BMPR1A: variants seen among roughly 807,000 people sequenced by gnomAD.
BMPR1A encodes the protein bone morphogenetic protein receptor type 1A, also known as bone morphogenetic protein receptor type-1A.
Under a neutral mutation model 66.0 loss-of-function variants are expected in BMPR1A, and 7 were observed. The ratio of observed to expected loss-of-function variants is 0.11; its 90% CI spans 0.06 to 0.20. The LOEUF is 0.20. Among genes scored for constraint, BMPR1A ranks in the 10% least tolerant of loss-of-function variants. The pLI, the probability that BMPR1A is intolerant of heterozygous loss-of-function variation, is 1.00. For missense variants in BMPR1A, 408 were observed against 669.1 expected (o/e 0.61, Z 4.31); for synonymous variants, 200 against 229.7 (o/e 0.87, Z 1.17).
chr10:86,922,177 A>G (rs890524994), intron 11 of BMPR1A, among the ~76,000 whole-genome samples: 3 of 151,990 alleles, frequency 2.0e-5, no homozygotes, highest in African/African-American at 7.3e-5. Flanking sequence ...TGCCTGGCTT[A>G]TTTTACTTAA....
In BMPR1A at chr10:86,921,652, C is replaced by T. The variant is rs150946485; in HGVS notation, c.1299C>T (p.Phe433=). ...ACATCATGGCTGACATCTACAGCTT[C>T]GGCCTAATCATTTGGGAGATGGCTC... is the stretch of plus-strand genomic sequence containing the variant. ...QPYIMADIYS[F]GLIIWEMARR... The change falls in exon 11 of 13, where the codon TTC becomes TTT. Residue 433 remains phenylalanine (F), a synonymous_variant. Coordinates refer to ENST00000372037, the MANE Select transcript of BMPR1A (RefSeq NM_004329.3). The T allele has an allele frequency of 3.4e-4, 545 of 1,614,170 alleles. 2 individuals carry two copies. The African/African-American group carries it at 5.3e-3, about 16-fold the overall frequency.
At chr10:86,763,645 C>T (rs1031329255) in intron 1 of BMPR1A, among the ~76,000 whole-genome samples, 1 of 152,128 alleles carries the variant, frequency 6.6e-6, no homozygotes, top group Non-Finnish European at 1.5e-5. Context: ...CTTATGCCTG[C>T]GGTGCCCTTC....
chr10:86,883,871 C>CTTTT (rs111255462), intron 3 of BMPR1A, among the ~76,000 whole-genome samples: 1 of 135,250 alleles, frequency 7.4e-6, no homozygotes, highest in African/African-American at 2.7e-5. Context: ...GAGCGTATGA[C>CTTTT]TTTTTTTTTT....
chr10:86,849,167 A>T (rs1174341293), intron 2 of BMPR1A, among the ~76,000 whole-genome samples: 1 of 152,214 alleles, frequency 6.6e-6, no homozygotes, highest in Non-Finnish European at 1.5e-5. Context: ...TCCTGCCTAC[A>T]CTTAATCATT....
chr10:86,765,312 C>A (rs1200118254), intron 1 of BMPR1A, among the ~76,000 whole-genome samples: 1 of 151,702 alleles, frequency 6.6e-6, no homozygotes. Flanking sequence ...ATGGTGAAAC[C>A]CCATCTCCAC....
chr10:86,922,100 A>G (rs985476408), intron 11 of BMPR1A, among the ~76,000 whole-genome samples: 2 of 151,946 alleles, frequency 1.3e-5, no homozygotes, highest in African/African-American at 4.8e-5. Flanking sequence ...TCTGTTCTCC[A>G]TGAGTTCAGT....
chr10:86,869,414 A>G (rs1409868218), intron 2 of BMPR1A, among the ~76,000 whole-genome samples: 1 of 146,314 alleles, frequency 6.8e-6, no homozygotes, highest in African/African-American at 2.5e-5. Context: ...CAGAGGTTGC[A>G]CCACTGCAGT....
chr10:86,789,215 C>A (rs546280928), intron 1 of BMPR1A, among the ~76,000 whole-genome samples: 1 of 152,128 alleles, frequency 6.6e-6, no homozygotes, highest in Non-Finnish European at 1.5e-5. Context: ...AGGTATAAAT[C>A]TTGGTGACCT....
At chr10:86,782,677 C>G (rs1278847569) in intron 1 of BMPR1A, among the ~76,000 whole-genome samples, 2 of 151,722 alleles carry the variant, frequency 1.3e-5, no homozygotes, top group South Asian at 4.2e-4. Flanking sequence ...GTCCTTAGCT[C>G]ATTTTAAAGT....
intron 2 of BMPR1A, among the ~76,000 whole-genome samples, chr10:86,863,048 C>G (rs1842733524): frequency 6.6e-6 from 1 of 151,466 alleles, no homozygotes; most frequent in South Asian, 2.1e-4. Context: ...GGCACAGTCT[C>G]AGCTCACTGC....
intron 1 of BMPR1A, among the ~76,000 whole-genome samples, chr10:86,823,331 C>G (rs1842146440): frequency 6.6e-6 from 1 of 152,192 alleles, no homozygotes; most frequent in South Asian, 2.1e-4. Flanking sequence ...CTGCCTGGCA[C>G]TGTTCTAAGT....
intron 1 of BMPR1A, among the ~76,000 whole-genome samples, chr10:86,782,054 G>A (rs1339246537): frequency 0.034 from 4 of 116 alleles, 1 homozygote; most frequent in African/African-American, 0.14. Context: ...GTAGAGACGG[G>A]GTTTCACTAC....
chr10:86,849,186 C>G (rs939635048), intron 2 of BMPR1A, among the ~76,000 whole-genome samples: 2 of 152,152 alleles, frequency 1.3e-5, no homozygotes, highest in Non-Finnish European at 2.9e-5. Context: ...TTCTTTATTC[C>G]TTTGTTCTTT....
At chr10:86,795,826 T>C (rs972369880) in intron 1 of BMPR1A, among the ~76,000 whole-genome samples, 2 of 152,216 alleles carry the variant, frequency 1.3e-5, no homozygotes, top group Admixed American at 6.5e-5. Context: ...TATTTAAAAA[T>C]ATTTTCTTTG....
At chr10:86,815,137 C>T (rs1842018770) in intron 1 of BMPR1A, among the ~76,000 whole-genome samples, 1 of 152,096 alleles carries the variant, frequency 6.6e-6, no homozygotes, top group African/African-American at 2.4e-5. Context: ...AAAACTTTGC[C>T]ATGGGTCAGT....
downstream of BMPR1A, chr10:86,929,992 G>A (rs1288755956): frequency 6.6e-6 from 1 of 152,242 alleles, no homozygotes; most frequent in Non-Finnish European, 1.5e-5. Flanking sequence ...CTTATATCAA[G>A]TTAGGTGCAC....
intron 2 of BMPR1A, among the ~76,000 whole-genome samples, chr10:86,870,179 T>G (rs1239231668): frequency 1.3e-5 from 2 of 152,202 alleles, no homozygotes; most frequent in African/African-American, 4.8e-5. Context: ...ATTACCGTTC[T>G]TTTAGCATAA....
chr10:86,844,875 C>G (rs1320955154), intron 2 of BMPR1A, among the ~76,000 whole-genome samples: 1 of 152,160 alleles, frequency 6.6e-6, no homozygotes, highest in African/African-American at 2.4e-5. Context: ...CTCCTGGGTT[C>G]AAGTGGTTCT....
At chr10:86,812,385 A>G (rs1244012468) in intron 1 of BMPR1A, among the ~76,000 whole-genome samples, 1 of 152,136 alleles carries the variant, frequency 6.6e-6, no homozygotes, top group Admixed American at 6.5e-5. Flanking sequence ...ATTCCATTGG[A>G]TGGATGTGCC....
Sources: allele counts gnomAD v4.1 joint callset (sites outside exome capture counted in the v4.1 genomes callset), GRCh38; gene constraint gnomAD v4.1.1; transcripts MANE v1.5; gene names NCBI Gene and HGNC (gene_info 2026-07-23, HGNC 2026-07-21).